Variants in CFAP20DC observed in about 807,000 individuals in gnomAD.
CFAP20DC encodes CFAP20 domain containing, also known as protein CFAP20DC.
CFAP20DC carries 84 observed loss-of-function variants against 101.7 expected under a neutral mutation model. The ratio of observed to expected loss-of-function variants is 0.83; its 90% CI spans 0.69 to 0.99. CFAP20DC has a LOEUF of 0.99. CFAP20DC is among the 50% of genes least tolerant of loss of function. The pLI is 0.00. For missense variants in CFAP20DC, 1,007 were observed against 970.3 expected, an observed-to-expected ratio of 1.04 and a Z score of -0.50; for synonymous variants, 359 against 351.2, an observed-to-expected ratio of 1.02 and a Z score of -0.25.
At chr3:59,045,083 G>A (rs1699740811) in intron 3 of CFAP20DC, among the ~76,000 whole-genome samples, 1 of 151,646 alleles carries the variant, frequency 6.6e-6, no homozygotes, top group South Asian at 2.1e-4. Flanking sequence ...CTTTAATGAT[G>A]ATATCTCTTC....
Position 58,913,359 on chromosome 3 carries a change from G to A in CFAP20DC, c.550+349C>T, listed in dbSNP as rs908069407. On this transcript the variant is annotated intron_variant, in intron 6 of 16. Transcript: ENST00000482387. The surrounding 1 kb of genome is among the most constrained non-coding windows in gnomAD (Gnocchi z 4.4). ...CTCAGCTGACTCTCTAAATATCCTTGAGATTCTATGAACTGTCTGATTTCC... is the reference window on the plus strand; with the variant it reads ...CTCAGCTGACTCTCTAAATATCCTTAAGATTCTATGAACTGTCTGATTTCC... Among the ~76,000 whole-genome samples, 1 of 151,966 alleles carries A rather than the reference G, an allele frequency of 6.6e-6. No individual in the cohort carries two copies. The highest frequency in any genetic ancestry group is 1.5e-5 in the Non-Finnish European group (1 of 67,990).
intron 13 of CFAP20DC, among the ~76,000 whole-genome samples, chr3:58,844,116 A>T (rs2077400469): frequency 1.1e-5 from 1 of 91,630 alleles, no homozygotes; most frequent in Non-Finnish European, 2.1e-5. Flanking sequence ...TAACGAGCAA[A>T]ATCACCAGCT....
chr3:58,983,194 G>GT (rs2092636198), intron 4 of CFAP20DC, among the ~76,000 whole-genome samples: 1 of 152,160 alleles, frequency 6.6e-6, no homozygotes, highest in Admixed American at 6.5e-5. Flanking sequence ...ATATTAAATT[G>GT]TTTAAGTGGA....
intron 4 of CFAP20DC, among the ~76,000 whole-genome samples, chr3:59,035,570 T>C (rs370787101): frequency 1.1e-3 from 166 of 152,186 alleles, no homozygotes; most frequent in Middle Eastern, 0.01. Context: ...AACACTTCTA[T>C]GCAATAAAAC....
chr3:58,773,926 C>T (rs1418458293), intron 15 of CFAP20DC, among the ~76,000 whole-genome samples: 1 of 151,824 alleles, frequency 6.6e-6, no homozygotes, highest in Non-Finnish European at 1.5e-5. Flanking sequence ...AGACTTTTTC[C>T]ATTTTAGGAG....
At position 58,722,913 on chromosome 3, in the gene CFAP20DC, C is replaced by T. The variant is rs1259948604; in HGVS notation, c.198-5285G>A. Among the ~76,000 whole-genome samples the T allele has an allele frequency of 1.3e-5, 2 of 152,172 alleles. No individual in the cohort carries two copies. Among genetic ancestry groups the T allele is most frequent in the Non-Finnish European group, 2.9e-5 (2 of 68,034 alleles). ...TCAAATTCACCTTTCAAATCTTTAC[C>T]TTGTCAATTTTGGTAACATGCAGCT... On this transcript the variant is annotated intron_variant, in intron 3 of 3. Coordinates refer to the CFAP20DC transcript ENST00000486145. The surrounding 1 kb of genome is among the most constrained non-coding windows in gnomAD (Gnocchi z 4.5).
chr3:58,764,858 A>T (rs1351075847), intron 15 of CFAP20DC, among the ~76,000 whole-genome samples: 5 of 152,018 alleles, frequency 3.3e-5, no homozygotes, highest in Non-Finnish European at 7.4e-5. Context: ...TTGAAACTGG[A>T]GGGAGAGGGC....
At chr3:58,909,967 G>A (rs914847079) in intron 6 of CFAP20DC, among the ~76,000 whole-genome samples, 6 of 152,078 alleles carry the variant, frequency 3.9e-5, no homozygotes, top group African/African-American at 1.2e-4. Flanking sequence ...TCCCACTTAT[G>A]AGTGAGAACA....
At chr3:58,937,896 T>C (rs2087935620) in intron 4 of CFAP20DC, 134 bp from the exon 5 acceptor site, 1 of 638,854 alleles carries the variant, frequency 1.6e-6, no homozygotes, top group Non-Finnish European at 2.7e-6. Flanking sequence ...AATTTAAGAA[T>C]TGCCTTTTTC....
intron 5 of CFAP20DC, among the ~76,000 whole-genome samples, chr3:58,925,373 C>T (rs752073514): frequency 6.6e-6 from 1 of 152,150 alleles, no homozygotes; most frequent in Non-Finnish European, 1.5e-5. Context: ...TGGTGTTTAC[C>T]ATAGCCCGTT....
intron 4 of CFAP20DC, among the ~76,000 whole-genome samples, chr3:58,994,999 G>A (rs545300981): frequency 6.6e-6 from 1 of 152,028 alleles, no homozygotes; most frequent in African/African-American, 2.4e-5. Context: ...AATCCAATTC[G>A]CTCCTAGGAT....
At chr3:58,767,834 C>T (rs2070458684) in intron 15 of CFAP20DC, among the ~76,000 whole-genome samples, 1 of 152,226 alleles carries the variant, frequency 6.6e-6, no homozygotes, top group African/African-American at 2.4e-5. Context: ...AACATTCCCA[C>T]CAAGTGTTTA....
chr3:58,770,556 A>C (rs2107490655), intron 15 of CFAP20DC, among the ~76,000 whole-genome samples: 1 of 152,320 alleles, frequency 6.6e-6, no homozygotes, highest in South Asian at 2.1e-4. Context: ...GATGAGAATG[A>C]GGCAGCCAGA....
intron 4 of CFAP20DC, among the ~76,000 whole-genome samples, chr3:58,981,796 G>C (rs2092558832): frequency 1.3e-5 from 2 of 152,080 alleles, no homozygotes. Flanking sequence ...CATAGGCATG[G>C]GCAAGGACTT....
At position 58,937,685 on chromosome 3, in the gene CFAP20DC, T is replaced by C. The variant is rs758919936; in HGVS notation, c.356A>G (p.His119Arg). Residue 119 changes from histidine (H) to arginine (R), a missense_variant, in exon 5 of 17, where the codon CAT (histidine) becomes CGT (arginine). Transcript: ENST00000482387. The stretch of plus-strand genomic sequence containing the variant: ...GATCATGAAGAGTGGAATTTTTGCA[T>C]GAAGAGGGGTGGAGGATAGTTCCTT... ...VHKELSSTPL[H>R]AKIPLFMIKR... 2 of 1,612,272 alleles carry C rather than the reference T, an allele frequency of 1.2e-6. No individual in the cohort carries two copies. Among genetic ancestry groups the C allele is most frequent in the East Asian group, 2.2e-5 (1 of 44,838 alleles).
intron 4 of CFAP20DC, among the ~76,000 whole-genome samples, chr3:58,947,262 G>A (rs1269661085): frequency 2.0e-5 from 3 of 152,164 alleles, no homozygotes; most frequent in Non-Finnish European, 4.4e-5. Context: ...AAAACTCCCT[G>A]TAAACATGAG....
chr3:58,768,750 A>G (rs1437042168), intron 15 of CFAP20DC, among the ~76,000 whole-genome samples: 3 of 152,114 alleles, frequency 2.0e-5, no homozygotes, highest in African/African-American at 4.8e-5. Flanking sequence ...AGTCACCACC[A>G]CACTCCCCTC....
At chr3:58,947,379 C>A (rs576865387) in intron 4 of CFAP20DC, among the ~76,000 whole-genome samples, 23 of 152,294 alleles carry the variant, frequency 1.5e-4, no homozygotes, top group African/African-American at 5.1e-4. Flanking sequence ...AGTCAACAAA[C>A]CTGGAATCCA....
chr3:58,814,471 A>G (rs2074950158), intron 14 of CFAP20DC, among the ~76,000 whole-genome samples: 1 of 150,606 alleles, frequency 6.6e-6, no homozygotes, highest in African/African-American at 2.5e-5. Flanking sequence ...CTCTCTCACC[A>G]CTCCTATTCA....
Sources: allele counts gnomAD v4.1 joint callset (sites outside exome capture counted in the v4.1 genomes callset), GRCh38; gene constraint gnomAD v4.1.1; non-coding constraint Gnocchi (gnomAD v3.1); transcripts MANE v1.5; gene names NCBI Gene and HGNC (gene_info 2026-07-23, HGNC 2026-07-21).